Variants in ST3GAL4 observed in about 807,000 individuals in gnomAD.
ST3GAL4 encodes CMP-N-acetylneuraminate-beta-galactosamide-alpha-2,3-sialyltransferase 4.
A neutral mutation model predicts 42.6 loss-of-function variants in ST3GAL4; 24 were observed. The ratio of observed to expected loss-of-function variants is 0.56; its 90% CI spans 0.41 to 0.79. The LOEUF (loss-of-function observed/expected upper bound fraction) is 0.79. Ranked by LOEUF, ST3GAL4 falls within the 30% of genes least tolerant of loss-of-function variation. The pLI is 0.00. For synonymous variants in ST3GAL4, 135 were observed against 163.2 expected, an observed-to-expected ratio of 0.83 and a Z score of 1.32; for missense variants, 311 against 430.8, an observed-to-expected ratio of 0.72 and a Z score of 2.46.
chr11:126,382,161 C>G (rs1421104789), intron 1 of ST3GAL4, among the ~76,000 whole-genome samples: 2 of 150,806 alleles, frequency 1.3e-5, no homozygotes, highest in Middle Eastern at 3.2e-3. Context: ...ACTGGCAGCC[C>G]TGCAGGGTCA....
rs987187751 is a variant in ST3GAL4 at position 126,373,902 on chromosome 11, C to T, written c.-61+18060C>T. 6.6e-6 allele frequency among the ~76,000 whole-genome samples: 1 copy of T among 152,086 alleles called. No homozygotes were observed. The highest frequency in any genetic ancestry group is 2.4e-5 in the African/African-American group (1 of 41,404). On this transcript the variant is annotated intron_variant, in intron 1 of 10. Transcript: ENST00000444328. The surrounding 1 kb of genome is among the most constrained non-coding windows in gnomAD (Gnocchi z 5.5). The stretch of plus-strand genomic sequence containing the variant: ...CCAGCCAGGGACTGTGCCGCAGGGG[C>T]CAGAAGATATCTGACCTACTGTCAC...
chr11:126,375,024 G>A (rs899636571), intron 1 of ST3GAL4: 1 of 152,126 alleles, frequency 6.6e-6, no homozygotes, highest in Non-Finnish European at 1.5e-5. Flanking sequence ...TGGACAGGCT[G>A]TGGAATGTGT....
chr11:126,369,258 G>T (rs151172686), intron 1 of ST3GAL4, among the ~76,000 whole-genome samples: 59 of 150,240 alleles, frequency 3.9e-4, no homozygotes, highest in African/African-American at 1.0e-3. Flanking sequence ...CTTTTTTTTG[G>T]GGGGGGGAGG....
At chr11:126,356,529 C>T (rs1054651537) in intron 1 of ST3GAL4, among the ~76,000 whole-genome samples, 15 of 152,242 alleles carry the variant, frequency 9.9e-5, no homozygotes, top group Admixed American at 2.0e-4. Flanking sequence ...CCAGCACTGC[C>T]CCTCCATTCC....
Position 126,355,701 on chromosome 11 carries a change from C to G in ST3GAL4, c.-202C>G, listed in dbSNP as rs1005761207. ...CGCCTCCCCTGCAGGCGGACTCGCC[C>G]GCTCCCAGGCCGGACCCGCGCCCGG... On this transcript the variant is annotated 5_prime_UTR_variant, in exon 1 of 11. Coordinates refer to ENST00000444328, the MANE Select transcript of ST3GAL4 (RefSeq NM_001254757.2). The surrounding 1 kb of genome is among the most constrained non-coding windows in gnomAD (Gnocchi z 7.1). The G allele has an allele frequency of 1.3e-5, 2 of 151,818 alleles. No homozygotes were observed. The highest frequency in any genetic ancestry group is 1.5e-5 in the Non-Finnish European group (1 of 67,822). The allele number at this position is 151,818 out of a possible 1,614,324, so 9.4% of individuals were successfully genotyped here.
Position 126,407,262 on chromosome 11 carries a change from G to T in ST3GAL4, c.193G>T (p.Asp65Tyr). 1 of 1,614,200 alleles carries T rather than the reference G, an allele frequency of 6.2e-7. No individual in the cohort carries two copies. Among genetic ancestry groups the T allele is most frequent in the South Asian group, 1.1e-5 (1 of 91,086 alleles). Residue 65 changes from aspartate (D) to tyrosine (Y), a missense_variant, in exon 5 of 11, where the codon GAT becomes TAT. By Grantham distance (160) the Asp-to-Tyr change is radical. Coordinates refer to ENST00000444328, the MANE Select transcript of ST3GAL4 (RefSeq NM_001254757.2). ...ASKLFGNYSR[D>Y]QPIFLRLEDY... ...TTCACCTCTGTGCAGCTACTCCCGG[G>T]ATCAGCCCATCTTCCTGCGGCTTGA...
At position 126,378,618 on chromosome 11, in the gene ST3GAL4, A is replaced by T. The variant is rs753803277; in HGVS notation, c.-61+22776A>T. ...GAGACAGGGTTTCACCGTGTTAGCC[A>T]GGATGGTCTCGATCTCCTGACCTCG... On this transcript the variant is annotated intron_variant, in intron 1 of 10. Coordinates refer to ENST00000444328, the MANE Select transcript of ST3GAL4 (RefSeq NM_001254757.2). The surrounding 1 kb of genome is among the most constrained non-coding windows in gnomAD (Gnocchi z 5.3). Among the ~76,000 whole-genome samples the T allele has an allele frequency of 1.3e-5, 2 of 152,204 alleles. No homozygotes were observed. The highest frequency in any genetic ancestry group is 2.9e-5 in the Non-Finnish European group (2 of 68,026).
In ST3GAL4 at chr11:126,409,249, T is replaced by A. The variant is rs763288769; in HGVS notation, c.628-19T>A. The A allele has an allele frequency of 2.5e-6, 4 of 1,613,650 alleles. No homozygotes were observed. In the East Asian group the frequency reaches 8.9e-5, roughly 36 times the overall value. On this transcript the variant is annotated intron_variant, in intron 8 of 10. Coordinates refer to ENST00000444328, the MANE Select transcript of ST3GAL4 (RefSeq NM_001254757.2). The surrounding 1 kb of genome is among the most constrained non-coding windows in gnomAD (Gnocchi z 4.9). Reference sequence around the variant, plus strand: ...GCTTCACCCGCTTCTGTCTCTCTCTTCTGACCCCATCCTCCTAGGTGCGAA... The same window carrying A: ...GCTTCACCCGCTTCTGTCTCTCTCTACTGACCCCATCCTCCTAGGTGCGAA...
intron 1 of ST3GAL4, among the ~76,000 whole-genome samples, chr11:126,377,404 C>T (rs60194243): frequency 0.06 from 9,025 of 151,564 alleles, 388 homozygotes; most frequent in East Asian, 0.19. Context: ...CTCCTGACCT[C>T]AGGTGATCCA....
At chr11:126,395,354 G>A (rs1953703500) in intron 1 of ST3GAL4, among the ~76,000 whole-genome samples, 1 of 152,156 alleles carries the variant, frequency 6.6e-6, no homozygotes. Flanking sequence ...TTGTTGCTGG[G>A]AAGTAGAGAA....
chr11:126,377,634 G>A (rs915358127), intron 1 of ST3GAL4, among the ~76,000 whole-genome samples: 1 of 151,668 alleles, frequency 6.6e-6, no homozygotes, highest in Non-Finnish European at 1.5e-5. Flanking sequence ...ACAGGCGTGT[G>A]CCACCACACC....
At chr11:126,358,564 T>G in intron 1 of ST3GAL4, 1 of 426,228 alleles carries the variant, frequency 2.3e-6, no homozygotes, top group Non-Finnish European at 4.8e-6. Flanking sequence ...TCAGTGTAGC[T>G]TCACGTGAGA....
chr11:126,406,543 C>T lies in ST3GAL4; in HGVS notation c.87C>T (p.Asp29=), dbSNP rs1954240784. Residue 29 remains aspartate (D), a synonymous_variant, in exon 3 of 11, where the codon GAC becomes GAT. Coordinates refer to ENST00000444328, the MANE Select transcript of ST3GAL4 (RefSeq NM_001254757.2). This position sits in a 1 kb window ranked among gnomAD's most constrained non-coding sequence, Gnocchi z 5.4. ...VMVWYSISRE[D]RYIELFYFPI... ...TGTGGTATTCCATCTCCCGGGAAGA[C>T]AGGTACATCGAGCTGTGAGTTCACC... The T allele has an allele frequency of 2.5e-6, 4 of 1,614,060 alleles. No homozygotes were observed. Among genetic ancestry groups the T allele is most frequent in the Non-Finnish European group, 3.4e-6 (4 of 1,180,040 alleles).
rs189369728 is a variant in ST3GAL4 at position 126,410,519 on chromosome 11, G to A, written c.771+1108G>A. ...GATAATATCCATAATGACCTTTTAA[G>A]GCTGTTGTAGGAGTTTGAAAAATAA... On this transcript the variant is annotated intron_variant, in intron 9 of 10. Transcript: ENST00000444328. The surrounding 1 kb of genome is among the most constrained non-coding windows in gnomAD (Gnocchi z 5.3). Among the ~76,000 whole-genome samples, 1 of 152,188 alleles carries A rather than the reference G, an allele frequency of 6.6e-6. No homozygotes were observed. Among genetic ancestry groups the A allele is most frequent in the Non-Finnish European group, 1.5e-5 (1 of 68,038 alleles).
chr11:126,409,462 G>A lies in ST3GAL4; in HGVS notation c.771+51G>A. The A allele has an allele frequency of 3.1e-6, 5 of 1,612,884 alleles. No homozygotes were observed. The highest frequency in any genetic ancestry group is 4.2e-6 in the Non-Finnish European group (5 of 1,179,146). ...GGCTAGGATCCTGGGCGGGAAGTAG[G>A]AGGGATGATCCTATGGGCTTAGGAA... On this transcript the variant is annotated intron_variant, in intron 9 of 10. Coordinates refer to ENST00000444328, the MANE Select transcript of ST3GAL4 (RefSeq NM_001254757.2). The surrounding 1 kb of genome is among the most constrained non-coding windows in gnomAD (Gnocchi z 4.9).
chr11:126,413,700 G>A, intron 10 of ST3GAL4, 52 bp downstream of exon 10: 1 of 1,605,814 alleles, frequency 6.2e-7, no homozygotes, highest in Non-Finnish European at 8.5e-7. Flanking sequence ...CGGGCAGACA[G>A]TCAGAGGGGC....
rs543074396 is a variant in ST3GAL4 at position 126,405,902 on chromosome 11, G to A, written c.-60-194G>A. 2.4e-5 allele frequency: 16 copies of A among 677,452 alleles called. No homozygotes were observed. In the Middle Eastern group the frequency reaches 2.6e-3, roughly 112 times the overall value. 42.0% of individuals were successfully genotyped at this position (677,452 alleles called of 1,614,324 possible). ...TTCCCTTCCGTGGCAGGGCTCACCT[G>A]GATCCTTAATGCCGCCCTTGGAGGA... On this transcript the variant is annotated intron_variant, in intron 1 of 10. Coordinates refer to ENST00000444328, the MANE Select transcript of ST3GAL4 (RefSeq NM_001254757.2).
Position 126,383,558 on chromosome 11 carries a change from G to A in ST3GAL4, c.-60-22538G>A, listed in dbSNP as rs1187271383. Among the ~76,000 whole-genome samples, 2 of 152,216 alleles carry A rather than the reference G, an allele frequency of 1.3e-5. No individual in the cohort carries two copies. The highest frequency in any genetic ancestry group is 2.9e-5 in the Non-Finnish European group (2 of 68,030). On this transcript the variant is annotated intron_variant, in intron 1 of 10. Coordinates refer to ENST00000444328, the MANE Select transcript of ST3GAL4 (RefSeq NM_001254757.2). This position sits in a 1 kb window ranked among gnomAD's most constrained non-coding sequence, Gnocchi z 4.5. ...GCATGGGGGGCGGGGGCAGAGAGGA[G>A]GAGGACTGAGAAGTGGGTGTATTTG...
At chr11:126,360,490 C>G (rs1227655425) in intron 1 of ST3GAL4, among the ~76,000 whole-genome samples, 1 of 152,208 alleles carries the variant, frequency 6.6e-6, no homozygotes, top group East Asian at 1.9e-4. Flanking sequence ...GTGGCGCGAT[C>G]TCGGCTAACT....
Sources: gnomAD v4.1 joint callset for allele counts (sites outside exome capture counted in the v4.1 genomes callset) on GRCh38, gnomAD v4.1.1 for gene constraint, Gnocchi (gnomAD v3.1) non-coding constraint, MANE v1.5 for transcripts, NCBI Gene and HGNC (gene_info 2026-07-23, HGNC 2026-07-21) for gene names.